Variants in TRMT61B observed in about 807,000 individuals in gnomAD.
TRMT61B encodes tRNA methyltransferase 61B.
In TRMT61B, 56 loss-of-function variants were observed where a neutral mutation model predicts 52.0. The ratio of observed to expected loss-of-function variants is 1.08; its 90% CI spans 0.87 to 1.35. The LOEUF (loss-of-function observed/expected upper bound fraction) is 1.35, where lower values mean the gene tolerates loss of function less well. Ranked by LOEUF, TRMT61B falls within the 40% of genes most tolerant of loss-of-function variation. TRMT61B has a pLI of 0.00. For synonymous variants in TRMT61B, 206 were observed against 220.0 expected (o/e 0.94, Z 0.56); for missense variants, 650 against 577.9 (o/e 1.12, Z -1.28).
intron 2 of TRMT61B, among the ~76,000 whole-genome samples, chr2:28,864,660 G>T (rs1199264665): frequency 6.6e-6 from 1 of 152,112 alleles, no homozygotes. Flanking sequence ...CTTGATCTCG[G>T]TAATAAGTAC....
intron 3 of TRMT61B, among the ~76,000 whole-genome samples, chr2:28,857,293 T>A (rs926382541): frequency 2.6e-5 from 4 of 152,074 alleles, no homozygotes; most frequent in Admixed American, 6.6e-5. Context: ...TTTCAAAAGC[T>A]CTTTTGAATG....
chr2:28,856,033 T>C (rs1218244063), intron 3 of TRMT61B, among the ~76,000 whole-genome samples: 1 of 152,136 alleles, frequency 6.6e-6, no homozygotes, highest in Non-Finnish European at 1.5e-5. Flanking sequence ...AGGGTCAACA[T>C]GATGACATAA....
intron 3 of TRMT61B, among the ~76,000 whole-genome samples, chr2:28,853,686 A>C (rs533353376): frequency 6.6e-6 from 1 of 152,290 alleles, no homozygotes; most frequent in East Asian, 1.9e-4. Context: ...AAATACAAAA[A>C]TTAGCCAGGT....
chr2:28,858,282 T>TG (rs1669434352), intron 3 of TRMT61B, among the ~76,000 whole-genome samples: 2 of 152,008 alleles, frequency 1.3e-5, no homozygotes, highest in African/African-American at 4.8e-5. Context: ...CCTTGTGATC[T>TG]GCCCGCCTCG....
intron 1 of TRMT61B, among the ~76,000 whole-genome samples, chr2:28,868,170 C>T (rs977238482): frequency 6.6e-6 from 1 of 152,084 alleles, no homozygotes; most frequent in Non-Finnish European, 1.5e-5. Context: ...TCTAATGGTC[C>T]TTCACTACAA....
At chr2:28,850,602 A>C in intron 5 of TRMT61B, 197 bp from the exon 6 acceptor site, 3 of 516,072 alleles carry the variant, frequency 5.8e-6, no homozygotes. Flanking sequence ...ATATGATTTT[A>C]TAACCAAATG....
chr2:28,864,307 T>A (rs1246203011), intron 2 of TRMT61B, among the ~76,000 whole-genome samples: 2 of 152,014 alleles, frequency 1.3e-5, no homozygotes, highest in Non-Finnish European at 2.9e-5. Context: ...AACAATAACA[T>A]GACAAGTACA....
At chr2:28,859,642 C>T (rs1378458862) in intron 3 of TRMT61B, among the ~76,000 whole-genome samples, 2 of 151,906 alleles carry the variant, frequency 1.3e-5, no homozygotes. Context: ...TCATCTGGCA[C>T]TATTATTCAA....
In TRMT61B at chr2:28,869,598, G is replaced by C. The variant is rs776238480; in HGVS notation, c.680C>G (p.Thr227Ser). Residue 227 changes from threonine (T) to serine (S), a missense_variant, in exon 1 of 7, where the codon ACT (threonine) becomes AGT (serine). By Grantham distance (58) the Thr-to-Ser change is moderately conservative (BLOSUM62 1). Coordinates refer to ENST00000306108, the MANE Select transcript of TRMT61B (RefSeq NM_017910.4). Reference sequence around the variant, plus strand: ...CATTACCTTTGGGAATGTTATGGCAGTCCCTCTTTTCATCAATACTACATA... The same window carrying C: ...CATTACCTTTGGGAATGTTATGGCACTCCCTCTTTTCATCAATACTACATA... ...EDYVVLMKRG[T>S]AITFPKDINM... is the part of the protein sequence containing the mutation. 1.2e-6 allele frequency: 2 copies of C among 1,611,722 alleles called. No homozygotes were observed. The highest frequency in any genetic ancestry group is 2.2e-5 in the South Asian group (2 of 90,952).
rs1053213247 is a variant in TRMT61B, at chr2:28,861,188, T to C, written c.923A>G (p.Asp308Gly). 5.0e-6 allele frequency: 8 copies of C among 1,613,528 alleles called. No homozygotes were observed. Among genetic ancestry groups the C allele is most frequent in the African/African-American group, 2.7e-5 (2 of 74,900 alleles). Residue 308 changes from aspartate (D) to glycine (G), a missense_variant, in exon 3 of 7, where the codon GAC becomes GGC. Physicochemically the swap from Asp to Gly is moderately conservative, Grantham distance 94. Coordinates refer to ENST00000306108, the MANE Select transcript of TRMT61B (RefSeq NM_017910.4). ...WKLSHVEEWP[D>G]NVDFIHKDIS... ...GTCCTTATGAATAAAATCCACATTG[T>C]CTGGCCACTCTTCTACATGACTTAA...
Position 28,861,310 on chromosome 2 carries a change from TTAAG to T in TRMT61B, c.803-6_803-3del. 3 of 1,565,736 alleles carry T rather than the reference TTAAG, an allele frequency of 1.9e-6. No homozygotes were observed. The highest frequency in any genetic ancestry group is 2.6e-6 in the Non-Finnish European group (3 of 1,162,350). Reference sequence around the variant, plus strand: ...TTATGACTCGTCCTTGTGATCCAACTTAAGTAAAAAATAATTTGATATTTCATAA... The same window carrying T: ...TTATGACTCGTCCTTGTGATCCAACTTAAAAAATAATTTGATATTTCATAA... On this transcript the variant is annotated splice_region_variant and splice_polypyrimidine_tract_variant and intron_variant, in intron 2 of 6. Coordinates refer to ENST00000306108, the MANE Select transcript of TRMT61B (RefSeq NM_017910.4).
intron 3 of TRMT61B, among the ~76,000 whole-genome samples, chr2:28,854,398 G>A (rs1475093011): frequency 6.6e-6 from 1 of 151,904 alleles, no homozygotes; most frequent in Non-Finnish European, 1.5e-5. Context: ...CTTGAGCCAG[G>A]AGTTCCAGAC....
rs116265691 is a variant in TRMT61B at position 28,850,976 on chromosome 2, A to G, written c.1312+96T>C. The G allele has an allele frequency of 2.2e-4, 168 of 764,188 alleles. No individual in the cohort carries two copies. In the African/African-American group the frequency reaches 2.8e-3, roughly 13 times the overall value. The allele number at this position is 764,188 out of a possible 1,614,324, so 47.3% of individuals were successfully genotyped here. A position where few individuals can be genotyped will look rare whatever the true frequency, so the allele number is the denominator to read the frequency against. On this transcript the variant is annotated intron_variant, in intron 5 of 6. Transcript: ENST00000306108. ...ATAAATATCACACTTTTCTATAGAA[A>G]ATTGCTGAGGAATATTTTTATAATC...
chr2:28,853,122 G>C (rs1383063784), intron 3 of TRMT61B, among the ~76,000 whole-genome samples: 1 of 151,870 alleles, frequency 6.6e-6, no homozygotes, highest in African/African-American at 2.4e-5. Context: ...ATATTGCCAA[G>C]TGTAAAACAC....
intron 2 of TRMT61B, among the ~76,000 whole-genome samples, chr2:28,862,444 C>T (rs1031104983): frequency 6.6e-6 from 1 of 150,478 alleles, no homozygotes; most frequent in African/African-American, 2.4e-5. Context: ...GCGATCTTCC[C>T]ACCTCAGCCT....
chr2:28,862,864 TTG>T (rs34139201), intron 2 of TRMT61B, among the ~76,000 whole-genome samples: 22,799 of 143,676 alleles, frequency 0.16, 1,873 homozygotes, highest in African/African-American at 0.22. Context: ...GTATTTGTAT[TTG>T]TGTGTGTGTG....
At chr2:28,863,518 G>A (rs1353860096) in intron 2 of TRMT61B, among the ~76,000 whole-genome samples, 1 of 151,634 alleles carries the variant, frequency 6.6e-6, no homozygotes, top group Non-Finnish European at 1.5e-5. Context: ...ATAAGTTCTT[G>A]CACATTTATA....
intron 3 of TRMT61B, 124 bp from the exon 4 acceptor site, chr2:28,852,623 A>G (rs1458352763): frequency 4.6e-6 from 3 of 647,188 alleles, no homozygotes; most frequent in South Asian, 3.9e-5. Context: ...TTTAGAAGGT[A>G]GTATTATTAA....
intron 3 of TRMT61B, 39 bp downstream of exon 3, chr2:28,861,079 G>C (rs950541351): frequency 5.3e-6 from 8 of 1,514,354 alleles, no homozygotes; most frequent in Non-Finnish European, 7.1e-6. Flanking sequence ...CTTCTTTATA[G>C]TCAAAGTAAT....
Sources: gnomAD v4.1 joint callset for allele counts (sites outside exome capture counted in the v4.1 genomes callset) on GRCh38, gnomAD v4.1.1 for gene constraint, MANE v1.5 for transcripts, NCBI Gene and HGNC (gene_info 2026-07-23, HGNC 2026-07-21) for gene names.